The following CDK5RAP2 variants were observed in gnomAD, a reference collection of about 807,000 sequenced individuals.
The protein encoded by CDK5RAP2 is CDK5 regulatory subunit associated protein 2.
CDK5RAP2 carries 147 observed loss-of-function variants against 232.9 expected under a neutral mutation model. The observed-to-expected ratio is 0.63, with a 90% CI of 0.55 to 0.72. CDK5RAP2 has a LOEUF of 0.72. Among genes scored for constraint, CDK5RAP2 ranks in the 30% least tolerant of loss-of-function variants. CDK5RAP2 has a pLI of 0.00. For synonymous variants in CDK5RAP2, 833 were observed against 833.7 expected, an observed-to-expected ratio of 1.00 and a Z score of 0.01; for missense variants, 2,195 against 2,231.5, an observed-to-expected ratio of 0.98 and a Z score of 0.33.
intron 18 of CDK5RAP2, among the ~76,000 whole-genome samples, chr9:120,464,252 G>A (rs576206218): frequency 4.1e-4 from 62 of 152,030 alleles, no homozygotes; most frequent in African/African-American, 1.5e-3. Flanking sequence ...TCCTCCTCCA[G>A]GGAGAACTTC....
At chr9:120,525,108 T>A (rs2040841343) in intron 10 of CDK5RAP2, 30 bp from the exon 11 acceptor site, 1 of 1,534,010 alleles carries the variant, frequency 6.5e-7, no homozygotes, top group Non-Finnish European at 9.0e-7. Flanking sequence ...ACCAGCCAAG[T>A]ATGTAACTGG....
rs544825098 is a variant in CDK5RAP2 at position 120,574,723 on chromosome 9, G to A, written c.60-2682C>T. 8.6e-5 allele frequency among the ~76,000 whole-genome samples: 13 copies of A among 151,994 alleles called. No homozygotes were observed. The East Asian group carries it at 2.5e-3, about 29-fold the overall frequency. ...AGCCTTCCCTTTCATCCTCACCACA[G>A]GATTAAAGTCCATTTTCTAAACTGA... On this transcript the variant is annotated intron_variant, in intron 1 of 37. Transcript: ENST00000349780.
At chr9:120,458,157 C>T (rs186420353) in intron 20 of CDK5RAP2, among the ~76,000 whole-genome samples, 36 of 152,290 alleles carry the variant, frequency 2.4e-4, no homozygotes, top group Admixed American at 1.1e-3. Flanking sequence ...GGGCTGATTC[C>T]TCTCGCTGAC....
chr9:120,527,976 T>C, intron 9 of CDK5RAP2, 51 bp from the exon 10 acceptor site: 2 of 1,607,752 alleles, frequency 1.2e-6, no homozygotes, highest in African/African-American at 1.3e-5. Context: ...CCAACCAAAA[T>C]GCACCATAAA....
intron 3 of CDK5RAP2, among the ~76,000 whole-genome samples, chr9:120,563,454 G>A (rs988285085): frequency 6.6e-6 from 1 of 152,192 alleles, no homozygotes; most frequent in Non-Finnish European, 1.5e-5. Context: ...CAGAACCCAG[G>A]GCAGTGGTTG....
At chr9:120,471,985 T>C (rs2037734300) in intron 15 of CDK5RAP2, 107 bp from the exon 16 acceptor site, 1 of 1,465,492 alleles carries the variant, frequency 6.8e-7, no homozygotes, top group Admixed American at 1.7e-5. Flanking sequence ...TGTTTTTTTC[T>C]GGTTATAAAA....
rs1467493716 is a variant in CDK5RAP2 at position 120,528,721 on chromosome 9, T to C, written c.879+23A>G. ...AGAATAGGCTAAATCTTCAATACAT[T>C]TTTTAAAATTGTATCAACATACCTG... On this transcript the variant is annotated intron_variant, in intron 9 of 37. Transcript: ENST00000349780. 5 of 1,471,470 alleles carry C rather than the reference T, an allele frequency of 3.4e-6. No individual in the cohort carries two copies. The South Asian group carries it at 5.7e-5, about 17-fold the overall frequency. 91.2% of individuals were successfully genotyped at this position (1,471,470 alleles called of 1,614,324 possible).
chr9:120,422,679 T>G lies in CDK5RAP2; in HGVS notation c.4004+14A>C. 6.2e-7 allele frequency: 1 copy of G among 1,604,266 alleles called. No individual in the cohort carries two copies. The highest frequency in any genetic ancestry group is 8.5e-7 in the Non-Finnish European group (1 of 1,171,000). ...AGTCCTGGGAAGTCTTCTTAACAAATGTTACACACTCACCTCTCCATCAGT... is the reference window on the plus strand; with the variant it reads ...AGTCCTGGGAAGTCTTCTTAACAAAGGTTACACACTCACCTCTCCATCAGT... On this transcript the variant is annotated intron_variant, in intron 26 of 37. Coordinates refer to ENST00000349780, the MANE Select transcript of CDK5RAP2 (RefSeq NM_018249.6).
In CDK5RAP2 at chr9:120,394,530, T is replaced by C. The variant is rs371368446; in HGVS notation, c.5560A>G (p.Lys1854Glu). Residue 1854 changes from lysine (K) to glutamate (E), a missense_variant, in exon 36 of 38, where the codon AAA (lysine) becomes GAA (glutamate). Coordinates refer to ENST00000349780, the MANE Select transcript of CDK5RAP2 (RefSeq NM_018249.6). ...CACTCACATTGATCAAAGATGACTTTTTCCTGGCGCTTGCTCAGCTGCAAA... is the reference window on the plus strand; with the variant it reads ...CACTCACATTGATCAAAGATGACTTCTTCCTGGCGCTTGCTCAGCTGCAAA... The part of the protein sequence containing the change: ...KLLQLSKRQE[K>E]VIFDQLVVTH... 9 of 1,614,060 alleles carry C rather than the reference T, an allele frequency of 5.6e-6. No individual in the cohort carries two copies. The African/African-American group carries it at 1.2e-4, about 22-fold the overall frequency.
In CDK5RAP2 at chr9:120,389,275, G is replaced by A. The variant is rs1258221222; in HGVS notation, c.5643C>T (p.Ala1881=). The A allele has an allele frequency of 2.5e-6, 4 of 1,612,456 alleles. No individual in the cohort carries two copies. In the Admixed American group the frequency reaches 6.7e-5, roughly 27 times the overall value. ...RGNLELRPGG[A]HPGTCSPSRP... is the part of the protein sequence containing the mutation. ...TGCTGGGACTGCATGTTCCTGGATGGGCTCCCCCAGGCCTAAGCTAGGAAA... is the reference window on the plus strand; with the variant it reads ...TGCTGGGACTGCATGTTCCTGGATGAGCTCCCCCAGGCCTAAGCTAGGAAA... Residue 1881 remains alanine, a synonymous_variant, in exon 38 of 38, where the codon GCC becomes GCT. Transcript: ENST00000349780.
At position 120,448,076 on chromosome 9, in the gene CDK5RAP2, T is replaced by A; in HGVS notation, c.2844A>T (p.Leu948Phe). The part of the protein sequence containing the change: ...LPILIKPSRS[L>F]GNMYRLPATQ... Reference sequence around the variant, plus strand: ...TGGCAGGGAGACGATACATATTTCCTAATGACCGGGATGGTTTTATTAGGA... The same window carrying A: ...TGGCAGGGAGACGATACATATTTCCAAATGACCGGGATGGTTTTATTAGGA... The change falls in exon 22 of 38, where the codon TTA becomes TTT. Residue 948 changes from leucine to phenylalanine, a missense_variant. Transcript: ENST00000349780. The A allele has an allele frequency of 6.2e-6, 10 of 1,614,184 alleles. No individual in the cohort carries two copies. Among genetic ancestry groups the A allele is most frequent in the Non-Finnish European group, 8.5e-6 (10 of 1,180,012 alleles).
intron 36 of CDK5RAP2, among the ~76,000 whole-genome samples, chr9:120,393,056 G>A (rs1263755407): frequency 6.6e-6 from 1 of 152,174 alleles, no homozygotes; most frequent in East Asian, 1.9e-4. Context: ...ATGTCCCTGA[G>A]CACTCAGTTC....
intron 3 of CDK5RAP2, among the ~76,000 whole-genome samples, chr9:120,561,661 AT>A (rs34133627): frequency 0.83 from 125,971 of 152,110 alleles, 53,641 homozygotes; most frequent in Non-Finnish European, 0.93. Context: ...ACCTTATGAA[AT>A]CAACTATTTT....
intron 3 of CDK5RAP2, 126 bp downstream of exon 3, chr9:120,568,195 C>T (rs1381333743): frequency 1.0e-5 from 8 of 788,504 alleles, no homozygotes; most frequent in Middle Eastern, 4.7e-4. Flanking sequence ...GTCCATGAGA[C>T]ATGGCACCCC....
chr9:120,469,199 TTC>T (rs1388051313), intron 17 of CDK5RAP2, among the ~76,000 whole-genome samples: 8 of 152,230 alleles, frequency 5.3e-5, no homozygotes, highest in African/African-American at 1.9e-4. Flanking sequence ...ACAGGCTGTT[TTC>T]TCTTTCTCTG....
chr9:120,453,730 T>A lies in CDK5RAP2; in HGVS notation c.2519A>T (p.Asn840Ile). 2 of 1,614,172 alleles carry A rather than the reference T, an allele frequency of 1.2e-6. No individual in the cohort carries two copies. Among genetic ancestry groups the A allele is most frequent in the Non-Finnish European group, 1.7e-6 (2 of 1,180,034 alleles). The part of the protein sequence containing the change: ...KGELVHFVQT[N>I]SFSKPHDELK... ...TTCATCATGTGGCTTGGAAAATGAG[T>A]TGGTTTGGACAAAATGTACAAGTTC... Residue 840 changes from asparagine to isoleucine, a missense_variant, in exon 21 of 38, where the codon AAC becomes ATC. Transcript: ENST00000349780.
intron 13 of CDK5RAP2, among the ~76,000 whole-genome samples, chr9:120,488,292 C>A (rs2038717434): frequency 6.6e-6 from 1 of 152,032 alleles, no homozygotes; most frequent in Non-Finnish European, 1.5e-5. Context: ...TTATAAAAAC[C>A]CATTGAACTG....
At position 120,519,026 on chromosome 9, in the gene CDK5RAP2, T is replaced by C. The variant is rs531321078; in HGVS notation, c.1093-381A>G. On this transcript the variant is annotated intron_variant, in intron 11 of 37. Coordinates refer to ENST00000349780, the MANE Select transcript of CDK5RAP2 (RefSeq NM_018249.6). ...CCCGTCTCTACTAAAAATACAAAAA[T>C]TAGCCAGGCGTGGAGGTGGGTGCCT... Among the ~76,000 whole-genome samples, 226 of 151,896 alleles carry C rather than the reference T, an allele frequency of 1.5e-3. 1 individual carries two copies. The highest frequency in any genetic ancestry group is 5.3e-3 in the African/African-American group (220 of 41,420).
chr9:120,457,240 G>C (rs2036832524), intron 20 of CDK5RAP2, among the ~76,000 whole-genome samples: 1 of 152,128 alleles, frequency 6.6e-6, no homozygotes, highest in African/African-American at 2.4e-5. Flanking sequence ...CCAACCATTG[G>C]CTGGGGCTGA....
Sources: gnomAD v4.1 joint callset for allele counts (sites outside exome capture counted in the v4.1 genomes callset) on GRCh38, gnomAD v4.1.1 for gene constraint, MANE v1.5 for transcripts, NCBI Gene and HGNC (gene_info 2026-07-23, HGNC 2026-07-21) for gene names.